NOLC1: variants seen among roughly 807,000 people sequenced by gnomAD.
NOLC1 encodes the protein 140 kDa nucleolar phosphoprotein.
NOLC1 carries 37 observed loss-of-function variants against 73.4 expected under a neutral mutation model. The observed-to-expected ratio is 0.50, with a 90% CI of 0.39 to 0.66. The LOEUF is 0.66. NOLC1 is among the 30% of genes least tolerant of loss of function. The pLI is 0.00. For synonymous variants in NOLC1, 327 were observed against 302.6 expected, an observed-to-expected ratio of 1.08 and a Z score of -0.84; for missense variants, 921 against 838.9, an observed-to-expected ratio of 1.10 and a Z score of -1.21.
chr10:102,159,349 T>C, intron 6 of NOLC1, 41 bp downstream of exon 6: 1 of 1,613,248 alleles, frequency 6.2e-7, no homozygotes, highest in Non-Finnish European at 8.5e-7. Context: ...GTGACCAGGG[T>C]GTGATGTGTG....
Position 102,157,048 on chromosome 10 carries a change from C to G in NOLC1, c.150C>G (p.Leu50=). 1 of 1,614,192 alleles carries G rather than the reference C, an allele frequency of 6.2e-7. No individual in the cohort carries two copies. The highest frequency in any genetic ancestry group is 2.2e-5 in the East Asian group (1 of 44,890). Residue 50 remains leucine, a synonymous_variant, in exon 2 of 13, where the codon CTC becomes CTG. Coordinates refer to ENST00000605788, the MANE Select transcript of NOLC1 (RefSeq NM_004741.5). ...AGCAGGATGCCAATGCCTCTTCCCT[C>G]TTAGACATCTATAGCTTCTGGCTCA... ...ATQQDANASS[L]LDIYSFWLKS...
At position 102,152,394 on chromosome 10, in the gene NOLC1, C is replaced by A. The variant is rs779299614; in HGVS notation, c.-17C>A. On this transcript the variant is annotated 5_prime_UTR_variant, in exon 1 of 13. Coordinates refer to ENST00000605788, the MANE Select transcript of NOLC1 (RefSeq NM_004741.5). ...CGTGCTGCGTCGACAACGGTAGTGA[C>A]GCGTATTGCCTGGAGGATGGCGGAC... 5 of 1,607,192 alleles carry A rather than the reference C, an allele frequency of 3.1e-6. No individual in the cohort carries two copies. The highest frequency in any genetic ancestry group is 3.4e-6 in the Non-Finnish European group (4 of 1,179,982).
chr10:102,156,428 G>A (rs1033168989), intron 1 of NOLC1, among the ~76,000 whole-genome samples: 8 of 148,206 alleles, frequency 5.4e-5, no homozygotes, highest in Admixed American at 5.3e-4. Flanking sequence ...AGTCAAAAGT[G>A]ATTTTTTTTT....
chr10:102,162,377 AAGTTTAGAGT>A lies in NOLC1; in HGVS notation c.*111_*120del, dbSNP rs1406231490. ...TAGGTGAGGGTCTTGATGAGGACAG[AAGTTTAGAGT>A]AGGTCCTAAGACTTTACAGTGTAAC... On this transcript the variant is annotated 3_prime_UTR_variant, in exon 13 of 13. Coordinates refer to ENST00000605788, the MANE Select transcript of NOLC1 (RefSeq NM_004741.5). 1.5e-5 allele frequency: 18 copies of A among 1,196,808 alleles called. No homozygotes were observed. The South Asian group carries it at 2.4e-4, about 16-fold the overall frequency. 74.1% of individuals were successfully genotyped at this position (1,196,808 alleles called of 1,614,324 possible).
chr10:102,158,432 T>A (rs2069638294), intron 5 of NOLC1, among the ~76,000 whole-genome samples: 1 of 152,006 alleles, frequency 6.6e-6, no homozygotes, highest in East Asian at 1.9e-4. Context: ...AAAATGTGTA[T>A]TTTTTTTAAT....
chr10:102,154,782 C>T (rs1431189341), intron 1 of NOLC1, among the ~76,000 whole-genome samples: 1 of 152,096 alleles, frequency 6.6e-6, no homozygotes, highest in Non-Finnish European at 1.5e-5. Flanking sequence ...CCACCTCAGC[C>T]TCCCAAAGTG....
rs761584107 is a variant in NOLC1, at chr10:102,162,180, C to T, written c.2011C>T (p.Arg671Trp). ...GAAGTTCACCAAAGGCAAGTCCTTT[C>T]GGCATGAGAAAACCAAGAAGAAGCG... Reference protein sequence around the residue: ...VLKFTKGKSFRHEKTKKKRGS... With the variant: ...VLKFTKGKSFWHEKTKKKRGS... Residue 671 changes from arginine to tryptophan, a missense_variant, in exon 13 of 13, where the codon CGG becomes TGG. Transcript: ENST00000605788. 15 of 1,613,988 alleles carry T rather than the reference C, an allele frequency of 9.3e-6. No individual in the cohort carries two copies. The highest frequency in any genetic ancestry group is 6.7e-5 in the Admixed American group (4 of 59,984).
Position 102,157,454 on chromosome 10 carries a change from C to A in NOLC1, c.340C>A (p.Leu114Met). Residue 114 changes from leucine (L) to methionine (M), a missense_variant, in exon 4 of 13, where the codon CTG becomes ATG. Transcript: ENST00000605788. ...AGCTGTACCTGCCAAGCGAGTCGGT[C>A]TGCCTCCTGGGAAGGCTGCAGCCAA... ...KAAVPAKRVG[L>M]PPGKAAAKAS... 6.2e-7 allele frequency: 1 copy of A among 1,614,150 alleles called. No homozygotes were observed. Among genetic ancestry groups the A allele is most frequent in the South Asian group, 1.1e-5 (1 of 91,056 alleles).
In NOLC1 at chr10:102,158,129, C is replaced by G. The variant is rs1430082880; in HGVS notation, c.522C>G (p.Ser174Arg). 2.5e-6 allele frequency: 4 copies of G among 1,614,110 alleles called. No homozygotes were observed. The highest frequency in any genetic ancestry group is 3.4e-6 in the Non-Finnish European group (4 of 1,179,976). ...GCTCTGATTCTGATTCTGACTCAAG[C>G]TCCGAGGATGAGCCACCAAAGAACC... ...AKSSDSDSDS[S>R]SEDEPPKNQK... The change falls in exon 5 of 13, where the codon AGC (serine) becomes AGG (arginine). Residue 174 changes from serine (S) to arginine (R), a missense_variant. Physicochemically the swap from Ser to Arg is moderately radical, Grantham distance 110. Coordinates refer to ENST00000605788, the MANE Select transcript of NOLC1 (RefSeq NM_004741.5).
chr10:102,152,597 T>A, intron 1 of NOLC1, 67 bp downstream of exon 1: 1 of 1,600,878 alleles, frequency 6.2e-7, no homozygotes, highest in Non-Finnish European at 8.5e-7. Flanking sequence ...CTGACGTGCT[T>A]AGGTTTCCAG....
chr10:102,160,468 G>C lies in NOLC1; in HGVS notation c.1116G>C (p.Glu372Asp). 6.2e-7 allele frequency: 1 copy of C among 1,613,844 alleles called. No individual in the cohort carries two copies. The highest frequency in any genetic ancestry group is 1.7e-5 in the Admixed American group (1 of 59,952). The change falls in exon 10 of 13, where the codon GAG (glutamate) becomes GAC (aspartate). Residue 372 changes from glutamate (E) to aspartate (D), a missense_variant. Transcript: ENST00000605788. ...SSDSSDSDSS[E>D]DDEAPSKPAG... ...TGTGTCTAGACTCTGACAGCTCTGA[G>C]GATGATGAAGCTCCTTCTAAGCCAG...
intron 1 of NOLC1, among the ~76,000 whole-genome samples, chr10:102,154,421 G>A (rs2069556745): frequency 6.6e-6 from 1 of 152,010 alleles, no homozygotes; most frequent in South Asian, 2.1e-4. Context: ...AACTTAATGA[G>A]ATGTGTAGTA....
In NOLC1 at chr10:102,159,582, G is replaced by A. The variant is rs2069664696; in HGVS notation, c.859+14G>A. On this transcript the variant is annotated intron_variant, in intron 7 of 12. Coordinates refer to ENST00000605788, the MANE Select transcript of NOLC1 (RefSeq NM_004741.5). ...AAAATAAACCAGGTGACTGGACATG[G>A]GGAGCGAAGCTGTGTGACTGTGGTC... is the stretch of plus-strand genomic sequence containing the variant. The A allele has an allele frequency of 6.2e-7, 1 of 1,611,908 alleles. No homozygotes were observed. Among genetic ancestry groups the A allele is most frequent in the South Asian group, 1.1e-5 (1 of 90,938 alleles).
At chr10:102,154,318 C>CA (rs543214480) in intron 1 of NOLC1, among the ~76,000 whole-genome samples, 43 of 149,788 alleles carry the variant, frequency 2.9e-4, no homozygotes, top group African/African-American at 1.0e-3. Context: ...CTCCTGACCT[C>CA]AAGAATCTAC....
chr10:102,160,909 T>A lies in NOLC1; in HGVS notation c.1557T>A (p.Ser519Arg), dbSNP rs776072774. ...AAGGAAAGGCTGAGAGCAGCAACAGTTCTTCTTCTGATGACTCCAGTGAGG... is the reference window on the plus strand; with the variant it reads ...AAGGAAAGGCTGAGAGCAGCAACAGATCTTCTTCTGATGACTCCAGTGAGG... ...AKKGKAESSN[S>R]SSSDDSSEEE... Residue 519 changes from serine to arginine, a missense_variant, in exon 10 of 13, where the codon AGT becomes AGA. Transcript: ENST00000605788. 1.2e-6 allele frequency: 2 copies of A among 1,613,802 alleles called. No individual in the cohort carries two copies. Among genetic ancestry groups the A allele is most frequent in the East Asian group, 2.2e-5 (1 of 44,870 alleles).
rs145554274 is a variant in NOLC1, at chr10:102,159,413, C to A, written c.724-20C>A. On this transcript the variant is annotated intron_variant, in intron 6 of 12. Coordinates refer to ENST00000605788, the MANE Select transcript of NOLC1 (RefSeq NM_004741.5). The stretch of plus-strand genomic sequence containing the variant: ...TGGGTCAGCATTTTCCTGTGGTAAT[C>A]AATTTTCTTTCTAATGCAGACTGTA... 50 of 1,613,922 alleles carry A rather than the reference C, an allele frequency of 3.1e-5. No individual in the cohort carries two copies. Among genetic ancestry groups the A allele is most frequent in the Non-Finnish European group, 4.2e-5 (49 of 1,179,936 alleles).
rs140017445 is a variant in NOLC1, at chr10:102,159,503, C to G, written c.794C>G (p.Ser265Cys). Residue 265 changes from serine to cysteine, a missense_variant, in exon 7 of 13, where the codon TCT becomes TGT. By Grantham distance (112) the Ser-to-Cys change is moderately radical. Transcript: ENST00000605788. The stretch of plus-strand genomic sequence containing the variant: ...GCTACCACCCCTACCCGGAAGAGTT[C>G]TAGCAGTGAGGATTCCTCCAGTGAC... ...KAATTPTRKS[S>C]SSEDSSSDEE... 2 of 1,614,140 alleles carry G rather than the reference C, an allele frequency of 1.2e-6. No homozygotes were observed. The highest frequency in any genetic ancestry group is 1.7e-6 in the Non-Finnish European group (2 of 1,180,026).
At chr10:102,161,468 G>A in intron 10 of NOLC1, 88 bp from the exon 11 acceptor site, 1 of 916,702 alleles carries the variant, frequency 1.1e-6, no homozygotes, top group Non-Finnish European at 1.7e-6. Flanking sequence ...CTGGGCTCAA[G>A]CGATCCTCCT....
chr10:102,163,414 A>G lies in NOLC1; in HGVS notation c.*1145A>G, dbSNP rs542714614. 1 of 152,354 alleles carries G rather than the reference A, an allele frequency of 6.6e-6. No homozygotes were observed. The highest frequency in any genetic ancestry group is 1.9e-4 in the East Asian group (1 of 5,192). 9.4% of individuals were successfully genotyped at this position (152,354 alleles called of 1,614,324 possible). A position where few individuals can be genotyped will look rare whatever the true frequency, so the allele number is the denominator to read the frequency against. ...TTTGGGAGAACAAACTAATAGGATT[A>G]TTGTGTCTCCTAGTTGGTACCTGGG... On this transcript the variant is annotated 3_prime_UTR_variant, in exon 13 of 13. Transcript: ENST00000605788.
Sources: allele counts gnomAD v4.1 joint callset (sites outside exome capture counted in the v4.1 genomes callset), GRCh38; gene constraint gnomAD v4.1.1; transcripts MANE v1.5; gene names NCBI Gene and HGNC (gene_info 2026-07-23, HGNC 2026-07-21).